OR2T6: variants seen among roughly 807,000 people sequenced by gnomAD.
OR2T6 encodes the protein olfactory receptor 2T6.
For synonymous variants in OR2T6, 174 were observed against 148.0 expected, an observed-to-expected ratio of 1.18 and a Z score of -1.27; for missense variants, 424 against 391.6, an observed-to-expected ratio of 1.08 and a Z score of -0.70.
intron 1 of OR2T6, among the ~76,000 whole-genome samples, chr1:248,377,975 T>TAC (rs1558303927): frequency 6.6e-6 from 1 of 152,222 alleles, no homozygotes; most frequent in Non-Finnish European, 1.5e-5. Flanking sequence ...ACAACTAAGC[T>TAC]ACACCATTAT....
chr1:248,388,054 G>T lies in OR2T6; in HGVS notation c.446G>T (p.Trp149Leu). 1 of 1,614,010 alleles carries T rather than the reference G, an allele frequency of 6.2e-7. No homozygotes were observed. The highest frequency in any genetic ancestry group is 8.5e-7 in the Non-Finnish European group (1 of 1,179,992). Residue 149 changes from tryptophan (W) to leucine (L), a missense_variant, in exon 3 of 3, where the codon TGG becomes TTG. Coordinates refer to ENST00000641644, the MANE Select transcript of OR2T6 (RefSeq NM_001005471.2). ...RVCWMILASS[W>L]FGGALDSFLL... ...TGCTGGATGATCCTGGCCAGCTCTT[G>T]GTTCGGTGGGGCTTTGGACAGTTTT...
At chr1:248,377,760 T>C (rs1660961040) in intron 1 of OR2T6, among the ~76,000 whole-genome samples, 1 of 152,172 alleles carries the variant, frequency 6.6e-6, no homozygotes, top group African/African-American at 2.4e-5. Flanking sequence ...GATTCTTCAA[T>C]CTCCATTCAG....
chr1:248,380,409 G>A (rs1661011356), intron 1 of OR2T6, among the ~76,000 whole-genome samples: 1 of 151,620 alleles, frequency 6.6e-6, no homozygotes, highest in Non-Finnish European at 1.5e-5. Context: ...GGTCTATTTT[G>A]TTTCAGTTTT....
intron 1 of OR2T6, among the ~76,000 whole-genome samples, chr1:248,377,024 C>T (rs909763657): frequency 1.3e-5 from 2 of 151,920 alleles, no homozygotes; most frequent in Admixed American, 1.3e-4. Context: ...TTTTTGTGAC[C>T]CATTTTGGAC....
chr1:248,385,099 G>C (rs1661115746), intron 2 of OR2T6, among the ~76,000 whole-genome samples: 1 of 152,060 alleles, frequency 6.6e-6, no homozygotes, highest in Non-Finnish European at 1.5e-5. Context: ...GCTAGGGGAG[G>C]GTAAGAATGG....
intron 1 of OR2T6, among the ~76,000 whole-genome samples, chr1:248,376,317 A>G (rs1023012326): frequency 3.3e-5 from 5 of 152,226 alleles, no homozygotes; most frequent in Non-Finnish European, 7.3e-5. Flanking sequence ...TGGCATGTTT[A>G]CTTTAAGAAG....
rs188236792 is a variant in OR2T6, at chr1:248,390,423, G to A, written c.*1888G>A. 9 of 152,302 alleles carry A rather than the reference G, an allele frequency of 5.9e-5. No homozygotes were observed. In the East Asian group the frequency reaches 1.4e-3, roughly 23 times the overall value. The allele number at this position is 152,302 out of a possible 1,614,324, so 9.4% of individuals were successfully genotyped here. On this transcript the variant is annotated 3_prime_UTR_variant, in exon 3 of 3. Transcript: ENST00000641644. ...GCCGGGTTCAGTGACGTTCTGCAGC[G>A]ACTGAAGATGGTGGGTGAATGAAAG... is the stretch of plus-strand genomic sequence containing the variant.
rs1382486436 is a variant in OR2T6 at position 248,389,183 on chromosome 1, T to G, written c.*648T>G. 2 of 152,186 alleles carry G rather than the reference T, an allele frequency of 1.3e-5. No individual in the cohort carries two copies. Among genetic ancestry groups the G allele is most frequent in the African/African-American group, 4.8e-5 (2 of 41,432 alleles). The allele number at this position is 152,186 out of a possible 1,614,324, so 9.4% of individuals were successfully genotyped here. ...TGGGGGAGGGAGTCTGTAATGTTAG[T>G]TTTTTAATATGGTAACTAACTGTTA... On this transcript the variant is annotated 3_prime_UTR_variant, in exon 3 of 3. Transcript: ENST00000641644.
At chr1:248,377,719 A>G (rs765411197) in intron 1 of OR2T6, among the ~76,000 whole-genome samples, 27 of 152,204 alleles carry the variant, frequency 1.8e-4, no homozygotes, top group Non-Finnish European at 2.9e-4. Flanking sequence ...AAATAATCAG[A>G]TTCACGGATG....
Position 248,388,426 on chromosome 1 carries a change from T to C in OR2T6, c.818T>C (p.Val273Ala), listed in dbSNP as rs56967655. 1 of 1,613,696 alleles carries C rather than the reference T, an allele frequency of 6.2e-7. No homozygotes were observed. Among genetic ancestry groups the C allele is most frequent in the Admixed American group, 1.7e-5 (1 of 59,998 alleles). Residue 273 changes from valine (V) to alanine (A), a missense_variant, in exon 3 of 3, where the codon GTC becomes GCC. Physicochemically the swap from Val to Ala is moderately conservative, Grantham distance 64. Transcript: ENST00000641644. Reference sequence around the variant, plus strand: ...TACCACACCCCAATCAAAGATAAGGTCTTCTCTGCCTTTTATACCATCCTC... The same window carrying C: ...TACCACACCCCAATCAAAGATAAGGCCTTCTCTGCCTTTTATACCATCCTC... Reference protein sequence around the residue: ...QSYHTPIKDKVFSAFYTILTP... With the variant: ...QSYHTPIKDKAFSAFYTILTP...
chr1:248,382,532 CTTTCTTTT>C (rs1421674705), intron 1 of OR2T6, among the ~76,000 whole-genome samples: 26 of 117,290 alleles, frequency 2.2e-4, no homozygotes, highest in African/African-American at 7.2e-4. Flanking sequence ...ACCTTTCTTT[CTTTCTTTT>C]TTTTTTTTTT....
intron 1 of OR2T6, among the ~76,000 whole-genome samples, chr1:248,383,090 C>A (rs1661068524): frequency 7.0e-6 from 1 of 142,662 alleles, no homozygotes; most frequent in African/African-American, 2.8e-5. Context: ...CTCATCCTAT[C>A]CTAATGTGTT....
At chr1:248,376,116 T>G (rs1222504518) in intron 1 of OR2T6, 62 bp downstream of exon 1, 9 of 152,338 alleles carry the variant, frequency 5.9e-5, no homozygotes, top group Middle Eastern at 3.4e-3. Flanking sequence ...TTGGCTCTCT[T>G]AGATAATGTG....
chr1:248,377,798 C>A (rs1005229803), intron 1 of OR2T6, among the ~76,000 whole-genome samples: 4 of 152,196 alleles, frequency 2.6e-5, no homozygotes, highest in African/African-American at 7.2e-5. Context: ...ATTGCTCTAC[C>A]TTGAGCTTCA....
At chr1:248,377,546 A>G (rs1660956700) in intron 1 of OR2T6, among the ~76,000 whole-genome samples, 1 of 152,236 alleles carries the variant, frequency 6.6e-6, no homozygotes, top group African/African-American at 2.4e-5. Context: ...AACAAGTTGA[A>G]GAGGTGTCAT....
chr1:248,378,564 C>T (rs11485479), intron 1 of OR2T6, among the ~76,000 whole-genome samples: 21,368 of 151,872 alleles, frequency 0.14, 2,182 homozygotes, highest in East Asian at 0.43. Flanking sequence ...TGTATTTTGG[C>T]GGGAGACAGC....
chr1:248,383,624 C>T (rs1400893095), intron 1 of OR2T6, among the ~76,000 whole-genome samples: 5 of 122,744 alleles, frequency 4.1e-5, no homozygotes, highest in African/African-American at 1.9e-4. Flanking sequence ...CCTGAGTGTG[C>T]TCATCCTATC....
chr1:248,389,905 C>T lies in OR2T6; in HGVS notation c.*1370C>T, dbSNP rs4360554. On this transcript the variant is annotated 3_prime_UTR_variant, in exon 3 of 3. Transcript: ENST00000641644. ...GTCCTGGTCCAGGCCGGGTGGTCCA[C>T]TGGTCTTGCAAGAAAGAGTCTCTGA... 112,585 of 152,034 alleles carry T rather than the reference C, an allele frequency of 0.74. 42,074 individuals are homozygous for T. The highest frequency in any genetic ancestry group is 0.83 in the African/African-American group (34,608 of 41,482). The allele number at this position is 152,034 out of a possible 1,614,324, so 9.4% of individuals were successfully genotyped here. A position where few individuals can be genotyped will look rare whatever the true frequency, so the allele number is the denominator to read the frequency against.
Position 248,387,845 on chromosome 1 carries a change from C to G in OR2T6, c.237C>G (p.Pro79=), listed in dbSNP as rs72766981. 6.3e-3 allele frequency: 10,039 copies of G among 1,600,964 alleles called. 43 individuals are homozygous for G. The highest frequency in any genetic ancestry group is 7.7e-3 in the Non-Finnish European group (9,045 of 1,170,516). Residue 79 remains proline, a synonymous_variant, in exon 3 of 3, where the codon CCC becomes CCG. Coordinates refer to ENST00000641644, the MANE Select transcript of OR2T6 (RefSeq NM_001005471.2). Reference sequence around the variant, plus strand: ...CATTATACATCTCCACCATTGTGCCCAAGATGCTGGTAGATTATCTCATGG... The same window carrying G: ...CATTATACATCTCCACCATTGTGCCGAAGATGCTGGTAGATTATCTCATGG... ...IDTLYISTIV[P]KMLVDYLMGE... is the part of the protein sequence containing the mutation.
Sources: gnomAD v4.1 joint callset for allele counts (sites outside exome capture counted in the v4.1 genomes callset) on GRCh38, gnomAD v4.1.1 for gene constraint, MANE v1.5 for transcripts, NCBI Gene and HGNC (gene_info 2026-07-23, HGNC 2026-07-21) for gene names.